The following RPS29 variants were observed in gnomAD, a reference collection of about 807,000 sequenced individuals.
The protein encoded by RPS29 is ribosomal protein S29, also known as small ribosomal subunit protein uS14.
For synonymous variants in RPS29, 37 were observed against 26.9 expected (o/e 1.37, Z -1.16); for missense variants, 60 against 75.7 (o/e 0.79, Z 0.77).
chr14:49,597,416 T>C (rs1881855991), intron 1 of RPS29: 1 of 152,222 alleles, frequency 6.6e-6, no homozygotes, highest in African/African-American at 2.4e-5. Flanking sequence ...AGCTCCCAAC[T>C]GTACCTATAA....
chr14:49,581,467 A>G (rs1291560002), downstream of RPS29, among the ~76,000 whole-genome samples: 2 of 152,148 alleles, frequency 1.3e-5, no homozygotes, highest in Non-Finnish European at 2.9e-5. Flanking sequence ...CTCAACAGCA[A>G]TTCTATCCTT....
At position 49,586,363 on chromosome 14, in the gene RPS29, C is replaced by A; in HGVS notation, c.-17G>T. ...GTGACCCATCTTGCTCTCAGCAGTG[C>A]AACGAGGTAAAAGGAAGAAGCTGGC... is the stretch of plus-strand genomic sequence containing the variant. On this transcript the variant is annotated 5_prime_UTR_variant, in exon 1 of 3. Transcript: ENST00000245458. 2 of 1,613,046 alleles carry A rather than the reference C, an allele frequency of 1.2e-6. No individual in the cohort carries two copies. The highest frequency in any genetic ancestry group is 1.7e-5 in the Admixed American group (1 of 60,018).
chr14:49,587,555 T>A (rs554425733), upstream of RPS29, among the ~76,000 whole-genome samples: 3 of 152,320 alleles, frequency 2.0e-5, no homozygotes, highest in East Asian at 5.8e-4. Context: ...CCCTACCCAA[T>A]CATTAAGTTA....
rs536702690 is a variant in RPS29, at chr14:49,585,440, C to A, written c.162+510G>T. ...TAGAAAATATCTAGGTACAGCCGCG[C>A]GTGGTGGCAAGAGCCTTTAGTCCCA... is the stretch of plus-strand genomic sequence containing the variant. On this transcript the variant is annotated intron_variant, in intron 2 of 2. Coordinates refer to ENST00000245458, the MANE Select transcript of RPS29 (RefSeq NM_001032.5). The A allele has an allele frequency of 2.9e-5, 5 of 170,376 alleles. No homozygotes were observed. In the East Asian group the frequency reaches 8.0e-4, roughly 27 times the overall value. The allele number at this position is 170,376 out of a possible 1,614,324, so 10.6% of individuals were successfully genotyped here. A position where few individuals can be genotyped will look rare whatever the true frequency, so the allele number is the denominator to read the frequency against.
At chr14:49,572,139 C>G (rs955847139) in exon 3 of RPS29, 2 of 152,096 alleles carry the variant, frequency 1.3e-5, no homozygotes, top group African/African-American at 2.4e-5. Flanking sequence ...TTAGTAGATA[C>G]GAGGTTCACG....
upstream of RPS29, among the ~76,000 whole-genome samples, chr14:49,590,949 C>G (rs935371820): frequency 6.6e-6 from 1 of 152,120 alleles, no homozygotes; most frequent in Non-Finnish European, 1.5e-5. Flanking sequence ...CTCAGCCTCC[C>G]AAAGTGCTGG....
intron 2 of RPS29, among the ~76,000 whole-genome samples, chr14:49,584,304 C>G (rs1009995953): frequency 6.6e-6 from 1 of 152,202 alleles, no homozygotes; most frequent in Non-Finnish European, 1.5e-5. Flanking sequence ...AGAGCTAGGG[C>G]GTGGGCCAAG....
upstream of RPS29, among the ~76,000 whole-genome samples, chr14:49,591,163 A>C (rs1881701510): frequency 6.6e-6 from 1 of 152,222 alleles, no homozygotes; most frequent in South Asian, 2.1e-4. Flanking sequence ...GAAAAAGGAA[A>C]AAAATACATA....
At chr14:49,588,250 A>G (rs1881633204), upstream of RPS29, among the ~76,000 whole-genome samples, 1 of 152,238 alleles carries the variant, frequency 6.6e-6, no homozygotes, top group Non-Finnish European at 1.5e-5. Flanking sequence ...AGGAGAGAAA[A>G]AAAGACAAAT....
intron 1 of RPS29, among the ~76,000 whole-genome samples, chr14:49,595,127 G>C: frequency 6.6e-6 from 1 of 151,372 alleles, no homozygotes; most frequent in East Asian, 1.9e-4. Context: ...CCTTTTTTGA[G>C]ACTGAAAGAG....
intron 2 of RPS29, chr14:49,585,647 T>G (rs1055245758): frequency 4.5e-6 from 2 of 440,742 alleles, no homozygotes; most frequent in Non-Finnish European, 8.1e-6. Context: ...TAAAACAATT[T>G]TAGTGGCTTC....
intron 2 of RPS29, among the ~76,000 whole-genome samples, chr14:49,584,798 T>A (rs983032886): frequency 2.6e-5 from 4 of 151,722 alleles, no homozygotes; most frequent in African/African-American, 9.7e-5. Flanking sequence ...TATAGAACAG[T>A]ACTATCCAAT....
intron 2 of RPS29, 54 bp from the exon 3 acceptor site, chr14:49,583,729 A>G: frequency 9.0e-7 from 1 of 1,113,820 alleles, no homozygotes; most frequent in South Asian, 1.3e-5. Context: ...TCTCTACTTG[A>G]TTCTCACAAA....
upstream of RPS29, chr14:49,586,563 T>A: frequency 1.8e-6 from 1 of 571,280 alleles, no homozygotes; most frequent in Non-Finnish European, 3.2e-6. Flanking sequence ...AGTGCTATTC[T>A]GCGCCGGTAT....
chr14:49,596,132 C>T (rs1881817738), intron 1 of RPS29, among the ~76,000 whole-genome samples: 1 of 151,992 alleles, frequency 6.6e-6, no homozygotes, highest in Non-Finnish European at 1.5e-5. Context: ...AAAGGAAGGT[C>T]AAGATGCTAA....
At chr14:49,583,510 AAAAAAG>A, downstream of RPS29, 2 of 803,452 alleles carry the variant, frequency 2.5e-6, no homozygotes, top group Non-Finnish European at 3.7e-6. Context: ...GTCTCAAAAA[AAAAAAG>A]AAAAAGATTT....
intron 1 of RPS29, among the ~76,000 whole-genome samples, chr14:49,593,750 A>G (rs1164724978): frequency 6.6e-6 from 1 of 151,362 alleles, no homozygotes; most frequent in Non-Finnish European, 1.5e-5. Flanking sequence ...GCTCACAAGA[A>G]AGGGGTATAC....
At chr14:49,575,098 C>G (rs1010574038) in exon 3 of RPS29, 28 of 152,534 alleles carry the variant, frequency 1.8e-4, no homozygotes, top group African/African-American at 6.8e-4. Context: ...TGGAGTGCAG[C>G]GGCCTGATCT....
downstream of RPS29, among the ~76,000 whole-genome samples, chr14:49,579,291 G>A (rs145983316): frequency 3.9e-5 from 6 of 152,180 alleles, no homozygotes; most frequent in Non-Finnish European, 7.3e-5. Flanking sequence ...CCAGCACCTT[G>A]ATCTCAGACT....
Sources: gnomAD v4.1 joint callset for allele counts (sites outside exome capture counted in the v4.1 genomes callset) on GRCh38, gnomAD v4.1.1 for gene constraint, MANE v1.5 for transcripts, NCBI Gene and HGNC (gene_info 2026-07-23, HGNC 2026-07-21) for gene names.